KSR2: variants seen among roughly 807,000 people sequenced by gnomAD.
KSR2 encodes the protein kinase suppressor of ras 2.
A neutral mutation model predicts 107.8 loss-of-function variants in KSR2; 25 were observed. The observed-to-expected ratio is 0.23, with a 90% CI of 0.17 to 0.32. The LOEUF (loss-of-function observed/expected upper bound fraction) is 0.32. Among genes scored for constraint, KSR2 ranks in the 10% least tolerant of loss-of-function variants. The pLI, the probability that KSR2 is intolerant of heterozygous loss-of-function variation, is 1.00. For missense variants in KSR2, 887 were observed against 1,268.9 expected, an observed-to-expected ratio of 0.70 and a Z score of 4.57; for synonymous variants, 480 against 507.0, an observed-to-expected ratio of 0.95 and a Z score of 0.71.
At chr12:117,737,807 A>G (rs902419775) in intron 4 of KSR2, among the ~76,000 whole-genome samples, 1 of 137,030 alleles carries the variant, frequency 7.3e-6, no homozygotes, top group Non-Finnish European at 1.6e-5. Context: ...AAAAAAAAAG[A>G]CTTTTTGTTA....
intron 14 of KSR2, among the ~76,000 whole-genome samples, chr12:117,491,430 T>A (rs1872738594): frequency 6.6e-6 from 1 of 152,204 alleles, no homozygotes; most frequent in Non-Finnish European, 1.5e-5. Flanking sequence ...TGCCCCCATC[T>A]CGGCCTCCCA....
chr12:117,941,811 T>TG (rs1018209440), intron 1 of KSR2, among the ~76,000 whole-genome samples: 5 of 147,114 alleles, frequency 3.4e-5, no homozygotes, highest in South Asian at 2.2e-4. Flanking sequence ...TTTTTTTTTT[T>TG]TTTGCAGTTT....
At chr12:117,820,291 C>T (rs904219612) in intron 3 of KSR2, among the ~76,000 whole-genome samples, 1 of 152,120 alleles carries the variant, frequency 6.6e-6, no homozygotes, top group Admixed American at 6.5e-5. Context: ...GGTTTGGGGG[C>T]ACTGAGGTTA....
intron 4 of KSR2, 43 bp downstream of exon 4, chr12:117,760,968 G>T: frequency 6.2e-7 from 1 of 1,610,078 alleles, no homozygotes; most frequent in Admixed American, 1.7e-5. Flanking sequence ...CCCCTCGCAG[G>T]CCGGGTTTCG....
At chr12:117,771,368 C>A (rs1315621494) in intron 3 of KSR2, among the ~76,000 whole-genome samples, 2 of 152,166 alleles carry the variant, frequency 1.3e-5, no homozygotes, top group Non-Finnish European at 2.9e-5. Flanking sequence ...CTGAATGGAA[C>A]CAATGTACAT....
intron 3 of KSR2, among the ~76,000 whole-genome samples, chr12:117,778,263 G>A (rs926746376): frequency 6.6e-6 from 1 of 151,926 alleles, no homozygotes; most frequent in Non-Finnish European, 1.5e-5. Context: ...GCTAATTTTT[G>A]TATTTTTAGT....
intron 3 of KSR2, among the ~76,000 whole-genome samples, chr12:117,794,115 CATGCACACTCACACCAACAT>C (rs1368709963): frequency 2.9e-5 from 4 of 137,630 alleles, no homozygotes; most frequent in African/African-American, 1.2e-4. Flanking sequence ...CTCACACCAA[CATGCACACTCACACCAACAT>C]GCACACACCC....
chr12:117,685,805 A>G (rs1885545983), intron 4 of KSR2, among the ~76,000 whole-genome samples: 2 of 152,200 alleles, frequency 1.3e-5, no homozygotes, highest in Non-Finnish European at 2.9e-5. Flanking sequence ...TGTTGAGTGG[A>G]TAAGATCACT....
intron 3 of KSR2, among the ~76,000 whole-genome samples, chr12:117,850,678 C>T (rs189410730): frequency 6.6e-6 from 1 of 152,124 alleles, no homozygotes; most frequent in East Asian, 1.9e-4. Context: ...GGCATGGTGG[C>T]ACACGCCTGT....
intron 1 of KSR2, among the ~76,000 whole-genome samples, chr12:117,918,349 C>T (rs933188573): frequency 3.3e-5 from 5 of 152,198 alleles, no homozygotes; most frequent in African/African-American, 1.2e-4. Flanking sequence ...GTATTCAAAG[C>T]TTGTGACAAT....
At chr12:117,911,106 T>C (rs906312687) in intron 1 of KSR2, among the ~76,000 whole-genome samples, 1 of 152,104 alleles carries the variant, frequency 6.6e-6, no homozygotes, top group Admixed American at 6.6e-5. Context: ...TGGTAGATCA[T>C]TTTACTGTTC....
chr12:117,790,656 A>G (rs1890222831), intron 3 of KSR2, among the ~76,000 whole-genome samples: 1 of 152,196 alleles, frequency 6.6e-6, no homozygotes, highest in Admixed American at 6.5e-5. Context: ...CTTTGTAGCT[A>G]TCTTATTTTG....
intron 4 of KSR2, among the ~76,000 whole-genome samples, chr12:117,697,256 A>T (rs1327372287): frequency 6.6e-6 from 1 of 152,194 alleles, no homozygotes; most frequent in African/African-American, 2.4e-5. Flanking sequence ...ACACCATTTT[A>T]AAAATGTTAA....
At position 117,576,335 on chromosome 12, in the gene KSR2, A is replaced by C. The variant is rs143931458; in HGVS notation, c.1325+2784T>G. The stretch of plus-strand genomic sequence containing the variant: ...CTTCAGACTTCAGAGCTGCTGGTGT[A>C]TGGAGAAAATCAGTCAGCCTGGAGG... On this transcript the variant is annotated intron_variant, in intron 7 of 19. Coordinates refer to ENST00000339824, the MANE Select transcript of KSR2 (RefSeq NM_173598.6). Among the ~76,000 whole-genome samples, 523 of 152,252 alleles carry C rather than the reference A, an allele frequency of 3.4e-3. 1 individual carries two copies. Among genetic ancestry groups the C allele is most frequent in the African/African-American group, 0.012 (497 of 41,552 alleles).
intron 3 of KSR2, among the ~76,000 whole-genome samples, chr12:117,820,236 C>G (rs1891517697): frequency 6.6e-6 from 1 of 152,106 alleles, no homozygotes; most frequent in African/African-American, 2.4e-5. Flanking sequence ...ACCTTGGACC[C>G]CCTGAAGATT....
At chr12:117,690,128 C>A (rs1320576291) in intron 4 of KSR2, among the ~76,000 whole-genome samples, 2 of 152,182 alleles carry the variant, frequency 1.3e-5, no homozygotes, top group Non-Finnish European at 2.9e-5. Context: ...AAGTTTGGTC[C>A]ATGGCCACAG....
intron 1 of KSR2, among the ~76,000 whole-genome samples, chr12:117,958,793 C>G (rs1896584853): frequency 6.6e-6 from 1 of 152,144 alleles, no homozygotes; most frequent in Non-Finnish European, 1.5e-5. Flanking sequence ...TGCGCTCCAG[C>G]CTGGGTGACA....
chr12:117,498,661 T>A (rs1873186837), intron 14 of KSR2, among the ~76,000 whole-genome samples: 1 of 151,988 alleles, frequency 6.6e-6, no homozygotes, highest in South Asian at 2.1e-4. Context: ...GCTCCCATAA[T>A]CCCCATGTGT....
At chr12:117,860,697 A>G (rs761196498) in intron 1 of KSR2, among the ~76,000 whole-genome samples, 35 of 151,994 alleles carry the variant, frequency 2.3e-4, no homozygotes, top group Non-Finnish European at 1.5e-4. Context: ...TGATCTCACA[A>G]TTGCACACAT....
Sources: allele counts gnomAD v4.1 joint callset (sites outside exome capture counted in the v4.1 genomes callset), GRCh38; gene constraint gnomAD v4.1.1; transcripts MANE v1.5; gene names NCBI Gene and HGNC (gene_info 2026-07-23, HGNC 2026-07-21).